Variants in GLRA3 observed in about 807,000 individuals in gnomAD.
The protein encoded by GLRA3 is glycine receptor subunit alpha-3.
GLRA3 carries 44 observed loss-of-function variants against 60.4 expected under a neutral mutation model. That is an observed-to-expected ratio of 0.73 (90% CI 0.57 to 0.94). The LOEUF is 0.94. Ranked by LOEUF, GLRA3 falls within the 40% of genes least tolerant of loss-of-function variation. The probability of loss-of-function intolerance (pLI) is 0.00; values close to 1 mark genes in which losing one functional copy is unlikely to be tolerated. For missense variants in GLRA3, 508 were observed against 564.6 expected (o/e 0.90, Z 1.02); for synonymous variants, 223 against 192.9 (o/e 1.16, Z -1.29).
At chr4:174,695,336 C>A (rs1480294004) in intron 5 of GLRA3, among the ~76,000 whole-genome samples, 4 of 151,988 alleles carry the variant, frequency 2.6e-5, no homozygotes, top group East Asian at 1.9e-4. Context: ...TGCAAAAATT[C>A]TCTACAAAAT....
chr4:174,687,730 AT>A (rs1377644404), intron 5 of GLRA3, among the ~76,000 whole-genome samples: 2 of 152,184 alleles, frequency 1.3e-5, no homozygotes, highest in Admixed American at 1.3e-4. Flanking sequence ...GATGGGCTTG[AT>A]GGTGACATCC....
chr4:174,744,881 T>G (rs952982088), intron 3 of GLRA3, among the ~76,000 whole-genome samples: 3 of 152,076 alleles, frequency 2.0e-5, no homozygotes, highest in African/African-American at 7.2e-5. Context: ...TAAAGAGACT[T>G]TGAAAATACA....
chr4:174,659,720 C>T lies in GLRA3; in HGVS notation c.928-523G>A, dbSNP rs944304830. Among the ~76,000 whole-genome samples, 6 of 151,930 alleles carry T rather than the reference C, an allele frequency of 3.9e-5. No homozygotes were observed. The South Asian group carries it at 1.2e-3, about 32-fold the overall frequency. ...GGCTCAGTGGCTCACGCCTGTAATC[C>T]TAGAACTTTGGTATGCCAAGGCGGG... On this transcript the variant is annotated intron_variant, in intron 7 of 9. Coordinates refer to ENST00000274093, the MANE Select transcript of GLRA3 (RefSeq NM_006529.4).
At chr4:174,679,801 A>G (rs1734273623) in intron 6 of GLRA3, among the ~76,000 whole-genome samples, 1 of 152,184 alleles carries the variant, frequency 6.6e-6, no homozygotes, top group African/African-American at 2.4e-5. Context: ...CACATGTGGG[A>G]GCTAAAATAA....
chr4:174,828,869 G>A lies in GLRA3; in HGVS notation c.-58C>T, dbSNP rs561739700. The A allele has an allele frequency of 1.0e-4, 114 of 1,137,246 alleles. No individual in the cohort carries two copies. In the Middle Eastern group the frequency reaches 2.5e-3, roughly 25 times the overall value. The allele number at this position is 1,137,246 out of a possible 1,614,324, so 70.4% of individuals were successfully genotyped here. A position where few individuals can be genotyped will look rare whatever the true frequency, so the allele number is the denominator to read the frequency against. ...GTCTTATCCAAGGCATGGGGAACCA[G>A]AAAGACAGAATGAAAATGTACAATC... On this transcript the variant is annotated 5_prime_UTR_variant, in exon 1 of 10. Coordinates refer to ENST00000274093, the MANE Select transcript of GLRA3 (RefSeq NM_006529.4).
At chr4:174,659,758 G>A (rs1401519235) in intron 7 of GLRA3, among the ~76,000 whole-genome samples, 2 of 151,998 alleles carry the variant, frequency 1.3e-5, no homozygotes, top group East Asian at 3.9e-4. Flanking sequence ...GATCACCTGA[G>A]GTCAAGAGTT....
At chr4:174,801,376 G>A (rs763224828) in intron 1 of GLRA3, among the ~76,000 whole-genome samples, 5 of 151,938 alleles carry the variant, frequency 3.3e-5, no homozygotes, top group East Asian at 1.9e-4. Flanking sequence ...TTTATATCTC[G>A]AGCTATGAAT....
chr4:174,658,868 G>T (rs1462275467), intron 8 of GLRA3, among the ~76,000 whole-genome samples, 186 bp downstream of exon 8: 1 of 152,132 alleles, frequency 6.6e-6, no homozygotes, highest in Non-Finnish European at 1.5e-5. Context: ...GTAGAGCTAG[G>T]TGTCATCATT....
At chr4:174,673,679 T>C (rs953448958) in intron 7 of GLRA3, among the ~76,000 whole-genome samples, 2 of 152,152 alleles carry the variant, frequency 1.3e-5, no homozygotes, top group Non-Finnish European at 2.9e-5. Context: ...AAATCACCTC[T>C]ATTCCACTTC....
intron 5 of GLRA3, among the ~76,000 whole-genome samples, chr4:174,700,133 A>G (rs1026163590): frequency 6.6e-6 from 1 of 152,214 alleles, no homozygotes; most frequent in Non-Finnish European, 1.5e-5. Context: ...TAGAAGATGA[A>G]GTTTTAATCA....
chr4:174,818,357 T>C (rs1268855000), intron 1 of GLRA3, among the ~76,000 whole-genome samples: 1 of 152,218 alleles, frequency 6.6e-6, no homozygotes, highest in African/African-American at 2.4e-5. Flanking sequence ...AGTGTAATAT[T>C]TGATGTGAGA....
chr4:174,751,100 T>A lies in GLRA3; in HGVS notation c.267+15863A>T, dbSNP rs374855419. 2.5e-3 allele frequency among the ~76,000 whole-genome samples: 365 copies of A among 148,946 alleles called. 1 individual carries two copies. The highest frequency in any genetic ancestry group is 0.017 in the South Asian group (78 of 4,628). On this transcript the variant is annotated intron_variant, in intron 3 of 9. Transcript: ENST00000274093. ...CTATCTATCTATCTATCTATCTATC[T>A]ATCTATCAATCATCTATCTACCTAC...
At chr4:174,672,565 A>G (rs1390027357) in intron 7 of GLRA3, among the ~76,000 whole-genome samples, 2 of 152,008 alleles carry the variant, frequency 1.3e-5, no homozygotes, top group East Asian at 3.9e-4. Context: ...TCCTCCATGG[A>G]AAGACCATGT....
At chr4:174,658,954 C>A in intron 8 of GLRA3, 100 bp downstream of exon 8, 2 of 957,250 alleles carry the variant, frequency 2.1e-6, no homozygotes, top group Non-Finnish European at 3.2e-6. Flanking sequence ...CATTTCATCC[C>A]CAGTCCCAAT....
intron 1 of GLRA3, among the ~76,000 whole-genome samples, chr4:174,822,188 C>T (rs1459037529): frequency 2.0e-5 from 3 of 152,196 alleles, no homozygotes; most frequent in African/African-American, 7.2e-5. Flanking sequence ...GTACTTAACA[C>T]ACTGCTTTGG....
intron 3 of GLRA3, among the ~76,000 whole-genome samples, chr4:174,734,396 G>A (rs949324275): frequency 3.0e-4 from 46 of 152,160 alleles, no homozygotes; most frequent in Admixed American, 2.6e-3. Context: ...CCCCGCCACA[G>A]GGAGAGTTGT....
intron 3 of GLRA3, among the ~76,000 whole-genome samples, chr4:174,750,514 G>A (rs868063460): frequency 6.6e-6 from 1 of 151,968 alleles, no homozygotes; most frequent in African/African-American, 2.4e-5. Context: ...CATTTACCAA[G>A]GGATTAAGAT....
At chr4:174,668,131 C>T (rs962854382) in intron 7 of GLRA3, among the ~76,000 whole-genome samples, 11 of 152,226 alleles carry the variant, frequency 7.2e-5, no homozygotes, top group African/African-American at 2.4e-4. Context: ...TCCCCTTCAC[C>T]TTCCACTATG....
At chr4:174,823,352 C>G (rs1335112555) in intron 1 of GLRA3, among the ~76,000 whole-genome samples, 1 of 151,902 alleles carries the variant, frequency 6.6e-6, no homozygotes, top group Non-Finnish European at 1.5e-5. Context: ...GTGAAAACCT[C>G]TCTCTACCAA....
Sources: gnomAD v4.1 joint callset for allele counts (sites outside exome capture counted in the v4.1 genomes callset) on GRCh38, gnomAD v4.1.1 for gene constraint, MANE v1.5 for transcripts, NCBI Gene and HGNC (gene_info 2026-07-23, HGNC 2026-07-21) for gene names.